The following MCTP2 variants were observed in gnomAD, a reference collection of about 807,000 sequenced individuals.
MCTP2 encodes the protein multiple C2 and transmembrane domain-containing protein 2.
A neutral mutation model predicts 111.6 loss-of-function variants in MCTP2; 132 were observed. The observed-to-expected ratio is 1.18, with a 90% confidence interval of 1.03 to 1.37. The LOEUF (loss-of-function observed/expected upper bound fraction) is 1.37, where lower values mean the gene tolerates loss of function less well. Among genes scored for constraint, MCTP2 ranks in the 40% most tolerant of loss-of-function variants. The probability of loss-of-function intolerance (pLI) is 0.00; values close to 1 mark genes in which losing one functional copy is unlikely to be tolerated. For synonymous variants in MCTP2, 395 were observed against 387.7 expected, an observed-to-expected ratio of 1.02 and a Z score of -0.22; for missense variants, 1,183 against 1,067.9, an observed-to-expected ratio of 1.11 and a Z score of -1.50.
At chr15:94,470,152 G>C (rs1327550952) in intron 20 of MCTP2, among the ~76,000 whole-genome samples, 181 bp from the exon 21 acceptor site, 1 of 152,136 alleles carries the variant, frequency 6.6e-6, no homozygotes, top group Non-Finnish European at 1.5e-5. Flanking sequence ...GTCCTTTTAA[G>C]AATGTTTTTC....
intron 12 of MCTP2, among the ~76,000 whole-genome samples, chr15:94,375,751 A>G (rs906366130): frequency 3.3e-5 from 5 of 152,218 alleles, no homozygotes; most frequent in Non-Finnish European, 5.9e-5. Flanking sequence ...GGAAAAATAA[A>G]TATGTTTCCA....
rs778429587 is a variant in MCTP2, at chr15:94,279,203, G to A, written c.-65-18998G>A. Among the ~76,000 whole-genome samples the A allele has an allele frequency of 7.9e-5, 12 of 152,060 alleles. No homozygotes were observed. In the South Asian group the frequency reaches 1.2e-3, roughly 16 times the overall value. On this transcript the variant is annotated intron_variant, in intron 1 of 22. Transcript: ENST00000357742. The stretch of plus-strand genomic sequence containing the variant: ...TAGCATTGAATCTGTAAATTGCTTT[G>A]GGCAGTGTGATCATTTTTAACAATA...
chr15:94,381,531 A>G (rs1254714698), intron 12 of MCTP2, among the ~76,000 whole-genome samples: 3 of 152,204 alleles, frequency 2.0e-5, no homozygotes, highest in Admixed American at 6.5e-5. Flanking sequence ...CTGTGCCTCA[A>G]CAGGACCAGG....
chr15:94,406,858 GT>G (rs199663326), intron 17 of MCTP2, among the ~76,000 whole-genome samples: 4,112 of 132,034 alleles, frequency 0.031, 93 homozygotes, highest in African/African-American at 0.065. Context: ...CTTTTCAGTT[GT>G]TTTTTTTTTT....
chr15:94,398,922 T>C, intron 14 of MCTP2, 39 bp from the exon 15 acceptor site: 1 of 1,253,938 alleles, frequency 8.0e-7, no homozygotes. Flanking sequence ...CACATAGTAA[T>C]TTTGCACCAA....
chr15:94,430,049 C>T (rs1217292817), intron 17 of MCTP2, among the ~76,000 whole-genome samples: 3 of 152,184 alleles, frequency 2.0e-5, no homozygotes, highest in African/African-American at 7.2e-5. Flanking sequence ...ATTCCACTGC[C>T]ATCACCTTAA....
rs754994490 is a variant in MCTP2, at chr15:94,398,990, A to G, written c.1818A>G (p.Val606=). 3.2e-6 allele frequency: 5 copies of G among 1,561,874 alleles called. No individual in the cohort carries two copies. The highest frequency in any genetic ancestry group is 3.3e-5 in the Admixed American group (2 of 59,774). ...GAGATGGACAACCGAATTGTTATGT[A>G]CTAAAGAATAAAGATTTAGAACAAG... ...SIRDGQPNCY[V]LKNKDLEQAF... is the part of the protein sequence containing the mutation. The change falls in exon 15 of 23, where the codon GTA becomes GTG. Residue 606 remains valine (V), a synonymous_variant. Coordinates refer to ENST00000357742, the MANE Select transcript of MCTP2 (RefSeq NM_001385001.1).
intron 4 of MCTP2, among the ~76,000 whole-genome samples, chr15:94,337,328 A>C (rs1377779396): frequency 1.3e-5 from 2 of 152,130 alleles, no homozygotes; most frequent in South Asian, 2.1e-4. Context: ...TGTAGCTGTC[A>C]AGATGCCTGG....
intron 17 of MCTP2, chr15:94,403,105 G>T (rs117914029): frequency 0.04 from 39,642 of 986,314 alleles, 835 homozygotes; most frequent in Middle Eastern, 0.046. Context: ...GCCATTGGGG[G>T]GTATTTTGTT....
At chr15:94,315,714 A>G (rs2076349819) in intron 4 of MCTP2, 77 bp downstream of exon 4, 1 of 1,015,334 alleles carries the variant, frequency 9.8e-7, no homozygotes, top group African/African-American at 1.6e-5. Context: ...ATTGTCAGTC[A>G]GGCTTTGACA....
rs1409927148 is a variant in MCTP2, at chr15:94,298,220, T to C, written c.-46T>C. The C allele has an allele frequency of 1.4e-6, 2 of 1,411,630 alleles. No homozygotes were observed. Among genetic ancestry groups the C allele is most frequent in the South Asian group, 1.4e-5 (1 of 73,222 alleles). 87.4% of individuals were successfully genotyped at this position (1,411,630 alleles called of 1,614,324 possible). A position where few individuals can be genotyped will look rare whatever the true frequency, so the allele number is the denominator to read the frequency against. On this transcript the variant is annotated 5_prime_UTR_variant, in exon 2 of 23. Transcript: ENST00000357742. The stretch of plus-strand genomic sequence containing the variant: ...TTATAGGAGTCATTGCAGTTTTCAG[T>C]AGAGGTGTACTTCTGAGAAGTGGCT...
intron 1 of MCTP2, among the ~76,000 whole-genome samples, chr15:94,265,259 G>A (rs142007865): frequency 3.9e-5 from 6 of 152,112 alleles, no homozygotes; most frequent in Admixed American, 3.9e-4. Context: ...ATTTTATCAT[G>A]AGTCACTTAT....
At chr15:94,402,691 C>A in intron 17 of MCTP2, 2 of 1,473,384 alleles carry the variant, frequency 1.4e-6, no homozygotes, top group South Asian at 1.4e-5. Flanking sequence ...AGGGCATTTT[C>A]TCTCATTTGT....
intron 19 of MCTP2, among the ~76,000 whole-genome samples, chr15:94,456,553 A>T (rs2084848106): frequency 6.6e-6 from 1 of 152,222 alleles, no homozygotes; most frequent in Non-Finnish European, 1.5e-5. Context: ...CCATTAATAG[A>T]TGTCGGTGGA....
intron 10 of MCTP2, among the ~76,000 whole-genome samples, chr15:94,361,208 G>T (rs375702703): frequency 1.2e-3 from 181 of 145,276 alleles, no homozygotes; most frequent in African/African-American, 4.5e-3. Context: ...GAGGCTCTCT[G>T]CTGGTGCAAA....
At chr15:94,322,630 C>T (rs2076681694) in intron 4 of MCTP2, among the ~76,000 whole-genome samples, 2 of 152,114 alleles carry the variant, frequency 1.3e-5, no homozygotes, top group Non-Finnish European at 2.9e-5. Flanking sequence ...TTTTTGGATT[C>T]TTGCTTTGAA....
intron 17 of MCTP2, among the ~76,000 whole-genome samples, chr15:94,430,577 C>A (rs1370477319): frequency 2.8e-3 from 272 of 96,414 alleles, no homozygotes; most frequent in African/African-American, 3.4e-3. Flanking sequence ...ACTAAAAATA[C>A]AAAAAAAAAA....
At chr15:94,345,952 G>A (rs1366071921) in intron 8 of MCTP2, among the ~76,000 whole-genome samples, 1 of 152,060 alleles carries the variant, frequency 6.6e-6, no homozygotes, top group Non-Finnish European at 1.5e-5. Flanking sequence ...ATCGGAAGAT[G>A]TACAGATGAT....
chr15:94,476,898 G>C (rs1222841703), intron 22 of MCTP2, 105 bp downstream of exon 22: 1 of 687,506 alleles, frequency 1.5e-6, no homozygotes, highest in African/African-American at 1.8e-5. Flanking sequence ...ATTGAGATAA[G>C]GAACCAGAAA....
Sources: allele counts gnomAD v4.1 joint callset (sites outside exome capture counted in the v4.1 genomes callset), GRCh38; gene constraint gnomAD v4.1.1; transcripts MANE v1.5; gene names NCBI Gene and HGNC (gene_info 2026-07-23, HGNC 2026-07-21).